The following CDC14A variants were observed in gnomAD, a reference collection of about 807,000 sequenced individuals.
CDC14A encodes the protein dual specificity protein phosphatase CDC14A.
CDC14A carries 53 observed loss-of-function variants against 74.4 expected under a neutral mutation model. That is an observed-to-expected ratio of 0.71 (90% CI 0.57 to 0.89). CDC14A has a LOEUF of 0.89. CDC14A is among the 40% of genes least tolerant of loss of function. The pLI, the probability that CDC14A is intolerant of heterozygous loss-of-function variation, is 0.00. For missense variants in CDC14A, 646 were observed against 713.7 expected (o/e 0.91, Z 1.08); for synonymous variants, 247 against 258.4 (o/e 0.96, Z 0.43).
chr1:100,503,893 C>A (rs1272123234), intron 15 of CDC14A, among the ~76,000 whole-genome samples: 1 of 152,180 alleles, frequency 6.6e-6, no homozygotes, highest in Admixed American at 6.5e-5. Context: ...GACACTTAAT[C>A]ACTGGATTAC....
At chr1:100,346,843 A>T (rs961007508) in intron 1 of CDC14A, among the ~76,000 whole-genome samples, 1 of 152,176 alleles carries the variant, frequency 6.6e-6, no homozygotes, top group Non-Finnish European at 1.5e-5. Context: ...CAAGAAGGAG[A>T]TGAATATTGA....
chr1:100,349,039 A>C (rs906634670), upstream of CDC14A, among the ~76,000 whole-genome samples: 1 of 152,190 alleles, frequency 6.6e-6, no homozygotes, highest in African/African-American at 2.4e-5. Flanking sequence ...TACCAAAAAT[A>C]TGAAAATTAA....
At chr1:100,474,915 T>C (rs538346570) in intron 10 of CDC14A, among the ~76,000 whole-genome samples, 1 of 152,208 alleles carries the variant, frequency 6.6e-6, no homozygotes, top group Non-Finnish European at 1.5e-5. Context: ...TTTTTTGAGG[T>C]TTACTCAGCT....
chr1:100,434,530 G>C (rs1213268619), intron 5 of CDC14A, among the ~76,000 whole-genome samples: 1 of 152,200 alleles, frequency 6.6e-6, no homozygotes, highest in Non-Finnish European at 1.5e-5. Flanking sequence ...CCATTAAAAA[G>C]TTTTAAGAGT....
intron 8 of CDC14A, among the ~76,000 whole-genome samples, chr1:100,459,169 C>T (rs1395147359): frequency 6.8e-6 from 1 of 146,198 alleles, no homozygotes; most frequent in African/African-American, 2.6e-5. Flanking sequence ...ACTGAGAATC[C>T]CGACCATTTG....
At chr1:100,421,249 A>G (rs1178146626) in intron 4 of CDC14A, among the ~76,000 whole-genome samples, 1 of 152,230 alleles carries the variant, frequency 6.6e-6, no homozygotes, top group Non-Finnish European at 1.5e-5. Context: ...GCACAAGAGA[A>G]AAAATCAAGA....
At chr1:100,507,084 A>C (rs556230991) in intron 15 of CDC14A, among the ~76,000 whole-genome samples, 5 of 152,248 alleles carry the variant, frequency 3.3e-5, no homozygotes, top group African/African-American at 4.8e-5. Context: ...GTAAGTGTCT[A>C]GCTTGAGCCT....
chr1:100,452,229 T>C (rs1666212552), intron 7 of CDC14A, among the ~76,000 whole-genome samples: 1 of 152,094 alleles, frequency 6.6e-6, no homozygotes, highest in African/African-American at 2.4e-5. Flanking sequence ...TCATAAAAAT[T>C]GGCCGGGTGC....
chr1:100,404,261 A>G (rs1659642605), intron 4 of CDC14A, among the ~76,000 whole-genome samples: 1 of 151,682 alleles, frequency 6.6e-6, no homozygotes, highest in Non-Finnish European at 1.5e-5. Flanking sequence ...TAAGATTTTT[A>G]GTGTTCAAAA....
chr1:100,412,710 A>AT (rs1156760602), intron 4 of CDC14A, among the ~76,000 whole-genome samples: 2 of 96,048 alleles, frequency 2.1e-5, no homozygotes, highest in South Asian at 2.6e-4. Flanking sequence ...ATATATATAT[A>AT]TATATATATA....
Position 100,424,294 on chromosome 1 carries a change from C to G in CDC14A, c.382C>G (p.Pro128Ala), listed in dbSNP as rs757805996. 2.0e-5 allele frequency: 32 copies of G among 1,612,312 alleles called. No individual in the cohort carries two copies. The South Asian group carries it at 3.5e-4, about 18-fold the overall frequency. The change falls in exon 5 of 16, where the codon CCA (proline) becomes GCA (alanine). Residue 128 changes from proline (P) to alanine (A), a missense_variant. Pro to Ala is a conservative substitution (Grantham distance 27). Transcript: ENST00000336454. The part of the protein sequence containing the change: ...LLSGSNPPYL[P>A]FRDASFGNCT... Reference sequence around the variant, plus strand: ...GTCTGGCTCAAACCCCCCCTATCTTCCATTCAGGTATAACTCCTGGTGAGA... The same window carrying G: ...GTCTGGCTCAAACCCCCCCTATCTTGCATTCAGGTATAACTCCTGGTGAGA...
At chr1:100,431,386 T>C (rs1392367083) in intron 5 of CDC14A, among the ~76,000 whole-genome samples, 1 of 152,152 alleles carries the variant, frequency 6.6e-6, no homozygotes, top group Non-Finnish European at 1.5e-5. Context: ...TTTTGTACTC[T>C]TTACGGTATA....
intron 2 of CDC14A, among the ~76,000 whole-genome samples, chr1:100,365,297 C>T (rs1653408838): frequency 6.6e-6 from 1 of 152,042 alleles, no homozygotes; most frequent in Admixed American, 6.6e-5. Flanking sequence ...TTTTCTGTAC[C>T]CAGACCCAAT....
intron 11 of CDC14A, chr1:100,484,994 G>A (rs1461150720): frequency 1.0e-6 from 1 of 982,500 alleles, no homozygotes; most frequent in Non-Finnish European, 1.2e-6. Context: ...TTTATAGGAA[G>A]GAAATTGCAT....
chr1:100,437,023 G>C (rs1214330954), intron 5 of CDC14A, among the ~76,000 whole-genome samples: 2 of 151,940 alleles, frequency 1.3e-5, no homozygotes, highest in African/African-American at 4.8e-5. Flanking sequence ...CTGGCTCTAC[G>C]AAAAATATAA....
chr1:100,443,203 A>G (rs1287249731), intron 7 of CDC14A: 1 of 460,984 alleles, frequency 2.2e-6, no homozygotes, highest in African/African-American at 2.0e-5. Context: ...CAACATATCT[A>G]TATATATTCT....
At chr1:100,398,962 A>G (rs1658904420) in intron 4 of CDC14A, among the ~76,000 whole-genome samples, 1 of 152,054 alleles carries the variant, frequency 6.6e-6, no homozygotes, top group Non-Finnish European at 1.5e-5. Flanking sequence ...TAGGGGAGTG[A>G]AGGGAGGCTG....
At chr1:100,400,415 A>G (rs12063344) in intron 4 of CDC14A, among the ~76,000 whole-genome samples, 19,775 of 152,226 alleles carry the variant, frequency 0.13, 1,491 homozygotes, top group Non-Finnish European at 0.16. Context: ...CCAATAATAT[A>G]TTAGATGTCA....
intron 4 of CDC14A, among the ~76,000 whole-genome samples, chr1:100,407,301 A>G (rs1660078887): frequency 6.6e-6 from 1 of 152,054 alleles, no homozygotes; most frequent in East Asian, 1.9e-4. Flanking sequence ...CAGTATGGCC[A>G]TTTTCACGAT....
Sources: gnomAD v4.1 joint callset for allele counts (sites outside exome capture counted in the v4.1 genomes callset) on GRCh38, gnomAD v4.1.1 for gene constraint, MANE v1.5 for transcripts, NCBI Gene and HGNC (gene_info 2026-07-23, HGNC 2026-07-21) for gene names.